Variants in PIGL observed in about 807,000 individuals in gnomAD.
The protein encoded by PIGL is N-acetylglucosaminyl-phosphatidylinositol de-N-acetylase.
In PIGL, 22 loss-of-function variants were observed where a neutral mutation model predicts 31.1. The observed-to-expected ratio is 0.71, with a 90% CI of 0.51 to 1.01. The LOEUF is 1.01. PIGL is among the 50% of genes least tolerant of loss of function. The pLI is 0.00. For synonymous variants in PIGL, 131 were observed against 117.4 expected, an observed-to-expected ratio of 1.12 and a Z score of -0.75; for missense variants, 302 against 315.9, an observed-to-expected ratio of 0.96 and a Z score of 0.33.
chr17:16,298,966 A>G (rs1218251304), intron 2 of PIGL, among the ~76,000 whole-genome samples: 2 of 151,902 alleles, frequency 1.3e-5, no homozygotes, highest in Non-Finnish European at 2.9e-5. Flanking sequence ...GATGGAGGTT[A>G]CAGTGAGCTG....
intron 2 of PIGL, among the ~76,000 whole-genome samples, chr17:16,258,321 A>G (rs2092805608): frequency 6.7e-6 from 1 of 149,284 alleles, no homozygotes; most frequent in African/African-American, 2.5e-5. Flanking sequence ...CTGGGACTAC[A>G]GGTGCCTGCC....
intron 2 of PIGL, among the ~76,000 whole-genome samples, chr17:16,250,322 A>G (rs929316951): frequency 2.6e-5 from 4 of 152,206 alleles, no homozygotes; most frequent in Non-Finnish European, 4.4e-5. Flanking sequence ...TAACATGTGT[A>G]TAAGAAAAAA....
At chr17:16,304,965 GCAATCCCCCTCCTCAGTTGT>G (rs2093020542) in intron 3 of PIGL, among the ~76,000 whole-genome samples, 1 of 152,084 alleles carries the variant, frequency 6.6e-6, no homozygotes, top group African/African-American at 2.4e-5. Flanking sequence ...GATGTCAGTA[GCAATCCCCCTCCTCAGTTGT>G]CACAATCAAA....
In PIGL at chr17:16,217,294, A is replaced by G. The variant is rs1600726795; in HGVS notation, c.68A>G (p.Asp23Gly). Residue 23 changes from aspartate (D) to glycine (G), a missense_variant, in exon 1 of 7, where the codon GAC (aspartate) becomes GGC (glycine). Transcript: ENST00000225609. ...VLAWGFLWVW[D>G]SSERMKSREQ... ...GCATGGGGCTTCCTCTGGGTTTGGGACTCCTCAGAACGAATGAAGAGTCGG... is the reference window on the plus strand; with the variant it reads ...GCATGGGGCTTCCTCTGGGTTTGGGGCTCCTCAGAACGAATGAAGAGTCGG... The G allele has an allele frequency of 6.2e-7, 1 of 1,613,762 alleles. No homozygotes were observed. Among genetic ancestry groups the G allele is most frequent in the Non-Finnish European group, 8.5e-7 (1 of 1,179,944 alleles).
intron 1 of PIGL, 156 bp downstream of exon 1, chr17:16,217,617 A>G: frequency 1.8e-6 from 1 of 556,466 alleles, no homozygotes; most frequent in South Asian, 3.0e-5. Flanking sequence ...TAGGGACAGG[A>G]GCGGCCGGCT....
chr17:16,234,199 A>G (rs542318544), intron 2 of PIGL, 129 bp downstream of exon 2: 14 of 604,788 alleles, frequency 2.3e-5, no homozygotes, highest in African/African-American at 2.2e-4. Flanking sequence ...GCTCGGTGCC[A>G]TGGTTCACGC....
chr17:16,272,779 C>T (rs2092878067), intron 2 of PIGL, among the ~76,000 whole-genome samples: 1 of 152,154 alleles, frequency 6.6e-6, no homozygotes, highest in African/African-American at 2.4e-5. Context: ...CTGTAACAGT[C>T]CCTGGCTCCA....
At chr17:16,251,577 G>A (rs1283165865) in intron 2 of PIGL, among the ~76,000 whole-genome samples, 1 of 151,500 alleles carries the variant, frequency 6.6e-6, no homozygotes, top group Non-Finnish European at 1.5e-5. Context: ...CAGTTAAAGA[G>A]GGGGGAAAAA....
chr17:16,293,313 A>G (rs558726851), intron 2 of PIGL, among the ~76,000 whole-genome samples: 56 of 152,342 alleles, frequency 3.7e-4, no homozygotes, highest in Admixed American at 7.2e-4. Flanking sequence ...TCACGAGGTC[A>G]GGAGATCCAG....
chr17:16,281,986 C>A (rs750698764), intron 2 of PIGL: 2 of 492,076 alleles, frequency 4.1e-6, no homozygotes, highest in Non-Finnish European at 4.3e-6. Context: ...GGAAGGGGGG[C>A]GACAGCTGTC....
chr17:16,307,493 ACT>A (rs2093030918), intron 3 of PIGL, among the ~76,000 whole-genome samples: 1 of 151,892 alleles, frequency 6.6e-6, no homozygotes, highest in Admixed American at 6.6e-5. Context: ...AGTTGGCAAG[ACT>A]CTTTCTTTAC....
At chr17:16,290,781 G>A (rs1329731543) in intron 2 of PIGL, among the ~76,000 whole-genome samples, 1 of 150,184 alleles carries the variant, frequency 6.7e-6, no homozygotes, top group Non-Finnish European at 1.5e-5. Context: ...CTGGGGCTCT[G>A]GCAATCCTCC....
At chr17:16,296,387 G>T (rs945193464) in intron 2 of PIGL, among the ~76,000 whole-genome samples, 1 of 151,970 alleles carries the variant, frequency 6.6e-6, no homozygotes, top group African/African-American at 2.4e-5. Context: ...TGAGGTGGGC[G>T]GATCACAAGG....
chr17:16,319,615 C>T (rs550020733), intron 6 of PIGL, among the ~76,000 whole-genome samples: 1 of 152,086 alleles, frequency 6.6e-6, no homozygotes, highest in East Asian at 1.9e-4. Flanking sequence ...AGTAGCCGGG[C>T]GTGGTGGTGG....
chr17:16,223,874 A>G (rs559916274), intron 1 of PIGL, among the ~76,000 whole-genome samples: 2 of 152,180 alleles, frequency 1.3e-5, no homozygotes, highest in Middle Eastern at 6.8e-3. Flanking sequence ...ATTCTGGTCT[A>G]TACACTTTAG....
chr17:16,318,017 G>C (rs1238694820), intron 6 of PIGL, 109 bp downstream of exon 6: 1 of 871,790 alleles, frequency 1.1e-6, no homozygotes, highest in African/African-American at 1.6e-5. Context: ...TTTCACAGTG[G>C]TTCAGCACCT....
intron 6 of PIGL, among the ~76,000 whole-genome samples, chr17:16,319,177 A>G (rs1346326971): frequency 3.9e-5 from 5 of 129,714 alleles, no homozygotes; most frequent in African/African-American, 1.5e-4. Context: ...ATGAACCCTG[A>G]TCATACCACT....
chr17:16,253,135 G>A (rs1343120413), intron 2 of PIGL, among the ~76,000 whole-genome samples: 44 of 151,822 alleles, frequency 2.9e-4, no homozygotes. Flanking sequence ...GCGCCATCAC[G>A]CCCAGTTACC....
chr17:16,259,927 C>T (rs953809432), intron 2 of PIGL, among the ~76,000 whole-genome samples: 8 of 152,242 alleles, frequency 5.3e-5, no homozygotes, highest in Non-Finnish European at 1.0e-4. Context: ...CTCAAAAATG[C>T]CTGCTCCCAC....
Sources: allele counts gnomAD v4.1 joint callset (sites outside exome capture counted in the v4.1 genomes callset), GRCh38; gene constraint gnomAD v4.1.1; transcripts MANE v1.5; gene names NCBI Gene and HGNC (gene_info 2026-07-23, HGNC 2026-07-21).